Variants in ELFN2 observed in about 807,000 individuals in gnomAD.
The protein encoded by ELFN2 is protein phosphatase 1 regulatory subunit 29.
In ELFN2, 17 loss-of-function variants were observed where a neutral mutation model predicts 45.5. The ratio of observed to expected loss-of-function variants is 0.37; its 90% CI spans 0.26 to 0.56. ELFN2 has a LOEUF of 0.56. Ranked by LOEUF, ELFN2 falls within the 20% of genes least tolerant of loss-of-function variation. The probability of loss-of-function intolerance (pLI) is 0.77; values close to 1 mark genes in which losing one functional copy is unlikely to be tolerated. For missense variants in ELFN2, 922 were observed against 1,183.2 expected (o/e 0.78, Z 3.24); for synonymous variants, 550 against 551.5 (o/e 1.00, Z 0.04).
chr22:37,394,489 C>T (rs1433440365), intron 2 of ELFN2, among the ~76,000 whole-genome samples: 2 of 152,226 alleles, frequency 1.3e-5, no homozygotes, highest in Admixed American at 6.5e-5. Context: ...CTCCCGCCCT[C>T]CTCCCGGGCA....
chr22:37,362,825 C>T (rs556516096), intron 1 of ELFN2, among the ~76,000 whole-genome samples: 1 of 152,322 alleles, frequency 6.6e-6, no homozygotes, highest in East Asian at 1.9e-4. Flanking sequence ...CTGCCAAACC[C>T]TCTTAAAGCT....
At chr22:37,412,612 G>A (rs761918171) in intron 2 of ELFN2, among the ~76,000 whole-genome samples, 21 of 152,256 alleles carry the variant, frequency 1.4e-4, no homozygotes, top group Admixed American at 6.5e-4. Context: ...TCCCACCACC[G>A]GGCCCTGTCC....
intron 2 of ELFN2, among the ~76,000 whole-genome samples, chr22:37,405,285 G>A (rs1341387758): frequency 6.6e-6 from 1 of 151,910 alleles, no homozygotes; most frequent in Non-Finnish European, 1.5e-5. Context: ...TAGAGAGGGG[G>A]TTTCGCCATG....
At chr22:37,379,707 C>T (rs1941905827) in intron 2 of ELFN2, among the ~76,000 whole-genome samples, 2 of 152,192 alleles carry the variant, frequency 1.3e-5, no homozygotes, top group Non-Finnish European at 2.9e-5. Flanking sequence ...GCACTTGCTG[C>T]TCTGAGGGCA....
chr22:37,344,422 G>A (rs1047064397), intron 1 of ELFN2, among the ~76,000 whole-genome samples: 2 of 151,690 alleles, frequency 1.3e-5, no homozygotes, highest in South Asian at 4.2e-4. Flanking sequence ...CAGCATCGCC[G>A]GCTCTCAGCG....
rs576741216 is a variant in ELFN2, at chr22:37,417,076, C to T, written c.-463+693G>A. Reference sequence around the variant, plus strand: ...TCACTCAGCGCCGCCTGGACAACAGCTCCCTCCACGTGGCCGCCACCAACA... The same window carrying T: ...TCACTCAGCGCCGCCTGGACAACAGTTCCCTCCACGTGGCCGCCACCAACA... On this transcript the variant is annotated intron_variant, in intron 2 of 2. Transcript: ENST00000402918. This position sits in a 1 kb window ranked among gnomAD's most constrained non-coding sequence, Gnocchi z 4.5. 5.9e-5 allele frequency among the ~76,000 whole-genome samples: 9 copies of T among 152,108 alleles called. No individual in the cohort carries two copies. In the South Asian group the frequency reaches 1.5e-3, roughly 25 times the overall value.
intron 2 of ELFN2, among the ~76,000 whole-genome samples, chr22:37,376,462 C>T (rs533286624): frequency 1.3e-5 from 2 of 152,322 alleles, no homozygotes; most frequent in Admixed American, 6.5e-5. Flanking sequence ...CCCATACACA[C>T]GTGTCCACGT....
At chr22:37,427,257 TCGGTC>T (rs1188911583) in intron 1 of ELFN2, 36 bp downstream of exon 1, 2 of 21,340 alleles carry the variant, frequency 9.4e-5, no homozygotes, top group African/African-American at 1.6e-3. Flanking sequence ...GTCTCCCCGG[TCGGTC>T]GGTCGCGGCG....
downstream of ELFN2, among the ~76,000 whole-genome samples, chr22:37,367,447 AG>A (rs1331567842): frequency 9.2e-5 from 14 of 152,352 alleles, no homozygotes; most frequent in African/African-American, 3.4e-4. Context: ...TGCCCAGGCC[AG>A]GCGTGGAGGA....
At chr22:37,353,035 G>T (rs1037762954) in intron 1 of ELFN2, 1 of 150,894 alleles carries the variant, frequency 6.6e-6, no homozygotes, top group East Asian at 1.9e-4. Flanking sequence ...ACAGGAAGGG[G>T]TCTACTCAAT....
chr22:37,414,985 G>A (rs1233165523), intron 2 of ELFN2, among the ~76,000 whole-genome samples: 1 of 152,204 alleles, frequency 6.6e-6, no homozygotes, highest in Non-Finnish European at 1.5e-5. Flanking sequence ...CCTTGCTCTG[G>A]CAAGGTGAAG....
chr22:37,409,542 G>A (rs1569142528), intron 2 of ELFN2, among the ~76,000 whole-genome samples: 4 of 152,206 alleles, frequency 2.6e-5, no homozygotes, highest in Middle Eastern at 3.2e-3. Flanking sequence ...AGCCAACAGC[G>A]AGAGGAGCCC....
At chr22:37,415,159 ATG>A (rs1424212541) in intron 2 of ELFN2, among the ~76,000 whole-genome samples, 1 of 151,130 alleles carries the variant, frequency 6.6e-6, no homozygotes, top group African/African-American at 2.5e-5. Context: ...GGCCTCTCAA[ATG>A]GCCCTCTTTG....
chr22:37,361,633 C>T (rs1931089473), intron 1 of ELFN2, among the ~76,000 whole-genome samples: 1 of 152,162 alleles, frequency 6.6e-6, no homozygotes, highest in African/African-American at 2.4e-5. Context: ...ACCCCCAGGC[C>T]CCATTAACTC....
intron 2 of ELFN2, among the ~76,000 whole-genome samples, chr22:37,397,510 A>T (rs7286040): frequency 0.22 from 34,073 of 152,086 alleles, 4,365 homozygotes; most frequent in African/African-American, 0.32. Context: ...GGCCCTGCCC[A>T]CAGGACAGTC....
chr22:37,383,218 C>T (rs1204587594), intron 2 of ELFN2, among the ~76,000 whole-genome samples: 2 of 152,170 alleles, frequency 1.3e-5, no homozygotes, highest in Non-Finnish European at 2.9e-5. Flanking sequence ...CCACCTCCCT[C>T]GGCTGGGCTC....
In ELFN2 at chr22:37,405,362, G is replaced by A. The variant is rs6000720; in HGVS notation, c.-463+12407C>T. On this transcript the variant is annotated intron_variant, in intron 2 of 2. Coordinates refer to ENST00000402918, the MANE Select transcript of ELFN2 (RefSeq NM_052906.5). ...CCCACCTCGGCCTCCCAAAGTGCTG[G>A]GATTACAGGCATGAGCCACCATGCC... Among the ~76,000 whole-genome samples the A allele has an allele frequency of 2.5e-3, 375 of 152,018 alleles. 2 individuals carry two copies. Among genetic ancestry groups the A allele is most frequent in the African/African-American group, 8.6e-3 (357 of 41,450 alleles).
Position 37,373,982 on chromosome 22 carries a change from T to G in ELFN2, c.1553A>C (p.Glu518Ala). 2 of 1,612,978 alleles carry G rather than the reference T, an allele frequency of 1.2e-6. No homozygotes were observed. The highest frequency in any genetic ancestry group is 1.7e-6 in the Non-Finnish European group (2 of 1,179,968). The part of the protein sequence containing the change: ...GAGGDGLARP[E>A]DDLPDLENGQ... ...GTTCTCGAGGTCCGGGAGGTCATCC[T>G]CGGGCCGAGCCAGACCGTCCCCGCC... The change falls in exon 3 of 3, where the codon GAG becomes GCG. Residue 518 changes from glutamate (E) to alanine (A), a missense_variant. This residue lies in a region of ELFN2 where 564 missense variants were observed against 642.8 expected (regional missense o/e 0.88). Transcript: ENST00000402918.
At position 37,348,959 on chromosome 22, in the gene ELFN2, C is replaced by T. The variant is rs537424309; in HGVS notation, n.149-6256G>A. ...GAGGTCTGCGTCTACCCGTCTTACACATTTACCCACAGGCTGGTTTCCCAT... is the reference window on the plus strand; with the variant it reads ...GAGGTCTGCGTCTACCCGTCTTACATATTTACCCACAGGCTGGTTTCCCAT... On this transcript the variant is annotated intron_variant and non_coding_transcript_variant, in intron 1 of 2. Coordinates refer to ENST00000452946, the Ensembl canonical transcript of ELFN2. Among the ~76,000 whole-genome samples, 3 of 151,102 alleles carry T rather than the reference C, an allele frequency of 2.0e-5. No homozygotes were observed. In the East Asian group the frequency reaches 5.8e-4, roughly 29 times the overall value.
Sources: gnomAD v4.1 joint callset for allele counts (sites outside exome capture counted in the v4.1 genomes callset) on GRCh38, gnomAD v4.1.1 for gene constraint, gnomAD v4.1.1 regional missense constraint, Gnocchi (gnomAD v3.1) non-coding constraint, MANE v1.5 for transcripts, NCBI Gene and HGNC (gene_info 2026-07-23, HGNC 2026-07-21) for gene names.